The following BCL9 variants were observed in gnomAD, a reference collection of about 807,000 sequenced individuals.
The protein encoded by BCL9 is B-cell CLL/lymphoma 9 protein.
In BCL9, 25 loss-of-function variants were observed where a neutral mutation model predicts 88.5. That is an observed-to-expected ratio of 0.28 (90% CI 0.21 to 0.39). The LOEUF (loss-of-function observed/expected upper bound fraction) is 0.39. Ranked by LOEUF, BCL9 falls within the 10% of genes least tolerant of loss-of-function variation. The probability of loss-of-function intolerance (pLI) is 1.00; values close to 1 mark genes in which losing one functional copy is unlikely to be tolerated. For missense variants in BCL9, 1,817 were observed against 1,877.8 expected (o/e 0.97, Z 0.60); for synonymous variants, 711 against 673.3 (o/e 1.06, Z -0.87).
chr1:147,557,191 T>C (rs2101488416), intron 1 of BCL9, among the ~76,000 whole-genome samples: 1 of 152,346 alleles, frequency 6.6e-6, no homozygotes, highest in East Asian at 1.9e-4. Context: ...GTAATTAACC[T>C]GGGTAACTCA....
In BCL9 at chr1:147,620,979, C is replaced by G. The variant is rs1658606139; in HGVS notation, c.2824C>G (p.Gln942Glu). ...GWTSSPKPPL[Q>E]SPGIPPNHKA... ...GACCTCTTCTCCAAAACCTCCCCTT[C>G]AGAGTCCTGGGATCCCTCCAAACCA... is the stretch of plus-strand genomic sequence containing the variant. Residue 942 changes from glutamine (Q) to glutamate (E), a missense_variant, in exon 8 of 10, where the codon CAG (glutamine) becomes GAG (glutamate). Around this residue, in one of 2 missense-constraint regions of BCL9, gnomAD observed 589 missense variants for 686.2 expected, o/e 0.86. Transcript: ENST00000234739. The G allele has an allele frequency of 6.2e-7, 1 of 1,614,122 alleles. No individual in the cohort carries two copies. The highest frequency in any genetic ancestry group is 8.5e-7 in the Non-Finnish European group (1 of 1,180,054).
chr1:147,575,575 G>GT (rs1353964258), intron 1 of BCL9, among the ~76,000 whole-genome samples: 1 of 152,000 alleles, frequency 6.6e-6, no homozygotes, highest in East Asian at 1.9e-4. Context: ...TTTTTTTAAT[G>GT]TTAAAAACTC....
At position 147,619,211 on chromosome 1, in the gene BCL9, T is replaced by C. The variant is rs1553204436; in HGVS notation, c.1056T>C (p.Ser352=). ...PTLGENPDGL[S]QEQLEHRERS... ...TGGGAGAGAATCCCGATGGCCTATC[T>C]CAGGAGCAGCTGGAGCACCGGGAGC... The change falls in exon 8 of 10, where the codon TCT becomes TCC. Residue 352 remains serine, a synonymous_variant. Coordinates refer to ENST00000234739, the MANE Select transcript of BCL9 (RefSeq NM_004326.4). This position sits in a 1 kb window ranked among gnomAD's most constrained non-coding sequence, Gnocchi z 4.1. 6.2e-7 allele frequency: 1 copy of C among 1,614,086 alleles called. No individual in the cohort carries two copies. Among genetic ancestry groups the C allele is most frequent in the Admixed American group, 1.7e-5 (1 of 60,024 alleles).
At chr1:147,584,912 T>C (rs1316743236) in intron 1 of BCL9, among the ~76,000 whole-genome samples, 1 of 152,182 alleles carries the variant, frequency 6.6e-6, no homozygotes, top group Non-Finnish European at 1.5e-5. Context: ...AGGCTCTATT[T>C]GTAACCTCGG....
In BCL9 at chr1:147,611,843, T is replaced by C; in HGVS notation, c.7T>C (p.Ser3Pro). 6.2e-7 allele frequency: 1 copy of C among 1,614,116 alleles called. No homozygotes were observed. Among genetic ancestry groups the C allele is most frequent in the East Asian group, 2.2e-5 (1 of 44,868 alleles). Residue 3 changes from serine (S) to proline (P), a missense_variant, in exon 4 of 10, where the codon TCC becomes CCC. Transcript: ENST00000234739. ...AAGCTCAGGATTTCAATCAATGCAT[T>C]CCAGTAACCCTAAAGTGAGGAGCTC... MH[S>P]SNPKVRSSPS...
intron 1 of BCL9, among the ~76,000 whole-genome samples, chr1:147,595,626 G>A (rs2101579475): frequency 6.6e-6 from 1 of 152,248 alleles, no homozygotes; most frequent in African/African-American, 2.4e-5. Flanking sequence ...AAGGTAGGAG[G>A]ATTGCTTGAG....
At chr1:147,586,246 C>T (rs1656596675) in intron 1 of BCL9, among the ~76,000 whole-genome samples, 2 of 152,032 alleles carry the variant, frequency 1.3e-5, no homozygotes, top group Admixed American at 6.6e-5. Flanking sequence ...ATTCTGCCAC[C>T]CAAATGTCTT....
intron 1 of BCL9, among the ~76,000 whole-genome samples, chr1:147,571,151 C>T (rs1167931685): frequency 1.3e-5 from 2 of 152,172 alleles, no homozygotes; most frequent in Admixed American, 6.5e-5. Context: ...CTCATTGTTA[C>T]AGCATTTGCA....
intron 1 of BCL9, among the ~76,000 whole-genome samples, chr1:147,576,918 G>A (rs1205851373): frequency 1.3e-5 from 2 of 152,056 alleles, no homozygotes; most frequent in African/African-American, 4.8e-5. Context: ...ATCCGTTATC[G>A]TCAAAAGAGA....
intron 1 of BCL9, among the ~76,000 whole-genome samples, chr1:147,566,284 T>C (rs1476066195): frequency 6.6e-6 from 1 of 152,134 alleles, no homozygotes; most frequent in Non-Finnish European, 1.5e-5. Context: ...AAATTGAATG[T>C]TGGGGCCCTA....
At chr1:147,553,540 G>A (rs1654982820) in intron 1 of BCL9, among the ~76,000 whole-genome samples, 1 of 152,192 alleles carries the variant, frequency 6.6e-6, no homozygotes, top group Non-Finnish European at 1.5e-5. Flanking sequence ...GCATCTCCAA[G>A]AGCATCCAGC....
At chr1:147,592,500 T>C (rs1479039140) in intron 1 of BCL9, among the ~76,000 whole-genome samples, 1 of 152,158 alleles carries the variant, frequency 6.6e-6, no homozygotes. Context: ...GATAACTTAT[T>C]AAAATGAAAC....
At chr1:147,589,596 G>C (rs1028058426) in intron 1 of BCL9, among the ~76,000 whole-genome samples, 2 of 152,170 alleles carry the variant, frequency 1.3e-5, no homozygotes, top group Non-Finnish European at 2.9e-5. Context: ...TTTTGCATCT[G>C]GCTTCTTTCA....
chr1:147,601,777 A>G (rs1357203477), intron 1 of BCL9, among the ~76,000 whole-genome samples: 1 of 152,260 alleles, frequency 6.6e-6, no homozygotes, highest in Admixed American at 6.5e-5. Flanking sequence ...AAAGACACAG[A>G]TGGGTTTATA....
Position 147,621,015 on chromosome 1 carries a change from C to G in BCL9, c.2860C>G (p.Leu954Val), listed in dbSNP as rs1553205296. The G allele has an allele frequency of 1.9e-6, 3 of 1,614,106 alleles. No homozygotes were observed. Among genetic ancestry groups the G allele is most frequent in the Non-Finnish European group, 2.5e-6 (3 of 1,179,996 alleles). ...GATCCCTCCAAACCATAAAGCACCC[C>G]TCACCATGGCCTCCCCAGCCATGCT... ...PGIPPNHKAPLTMASPAMLGN... is the reference protein window; with the variant it reads ...PGIPPNHKAPVTMASPAMLGN... Residue 954 changes from leucine (L) to valine (V), a missense_variant, in exon 8 of 10, where the codon CTC (leucine) becomes GTC (valine). By Grantham distance (32) the Leu-to-Val change is conservative (BLOSUM62 1). Transcript: ENST00000234739.
intron 1 of BCL9, among the ~76,000 whole-genome samples, chr1:147,543,463 G>T (rs1402947077): frequency 6.6e-6 from 1 of 152,214 alleles, no homozygotes; most frequent in South Asian, 2.1e-4. Context: ...TTCTGAGTAT[G>T]GGAAAAGCTG....
At chr1:147,556,738 G>T (rs1655133557) in intron 1 of BCL9, among the ~76,000 whole-genome samples, 1 of 152,156 alleles carries the variant, frequency 6.6e-6, no homozygotes, top group South Asian at 2.1e-4. Context: ...GTGAGCCACT[G>T]CACCTGGCCA....
intron 1 of BCL9, among the ~76,000 whole-genome samples, chr1:147,576,196 A>T (rs185278763): frequency 3.2e-4 from 49 of 152,258 alleles, no homozygotes; most frequent in African/African-American, 1.0e-3. Context: ...TTTATTCTTT[A>T]AAAAAGTTTT....
In BCL9 at chr1:147,611,647, A is replaced by AG. The variant is rs1557853528; in HGVS notation, c.-186dup. The AG allele has an allele frequency of 1.7e-6, 1 of 587,832 alleles. No individual in the cohort carries two copies. Among genetic ancestry groups the AG allele is most frequent in the Non-Finnish European group, 3.1e-6 (1 of 322,758 alleles). The allele number at this position is 587,832 out of a possible 1,614,324, so 36.4% of individuals were successfully genotyped here. On this transcript the variant is annotated 5_prime_UTR_variant, in exon 4 of 10. An upstream open reading frame in the 5' UTR loses its in-frame stop. Coordinates refer to ENST00000234739, the MANE Select transcript of BCL9 (RefSeq NM_004326.4). ...GCACCCAGAGAATGCTGGAGCTGCA[A>AG]GGGGAAAGGACCCACTTCCACAGCA...
Sources: gnomAD v4.1 joint callset for allele counts (sites outside exome capture counted in the v4.1 genomes callset) on GRCh38, gnomAD v4.1.1 for gene constraint, gnomAD v4.1.1 regional missense constraint, Gnocchi (gnomAD v3.1) non-coding constraint, MANE v1.5 for transcripts, NCBI Gene and HGNC (gene_info 2026-07-23, HGNC 2026-07-21) for gene names.